The following SCHIP1 variants were observed in gnomAD, a reference collection of about 807,000 sequenced individuals.
SCHIP1 encodes schwannomin interacting protein 1.
SCHIP1 carries 8 observed loss-of-function variants against 29.7 expected under a neutral mutation model. That is an observed-to-expected ratio of 0.27 (90% CI 0.16 to 0.49). SCHIP1 has a LOEUF of 0.49. Ranked by LOEUF, SCHIP1 falls within the 20% of genes least tolerant of loss-of-function variation. SCHIP1 has a pLI of 0.99. For missense variants in SCHIP1, 193 were observed against 294.6 expected (o/e 0.66, Z 2.52); for synonymous variants, 76 against 94.9 (o/e 0.80, Z 1.16).
chr3:159,644,127 C>G, the SCHIP1 span, among the ~76,000 whole-genome samples: 1 of 152,124 alleles, frequency 6.6e-6, no homozygotes, highest in Admixed American at 6.6e-5. Context: ...CCATTTTCCT[C>G]AGGTGCTTTA....
the SCHIP1 span, among the ~76,000 whole-genome samples, chr3:159,782,488 A>G: frequency 6.6e-6 from 1 of 152,276 alleles, no homozygotes; most frequent in East Asian, 1.9e-4. Flanking sequence ...TCTTATGTCT[A>G]TGTACTTCTA....
At chr3:159,579,096 T>A in the SCHIP1 span, among the ~76,000 whole-genome samples, 2 of 152,190 alleles carry the variant, frequency 1.3e-5, no homozygotes, top group Admixed American at 1.3e-4. Context: ...GAATATGAAA[T>A]AAAGTATTTT....
At chr3:159,274,041 T>C in the SCHIP1 span, 9 of 982,546 alleles carry the variant, frequency 9.2e-6, no homozygotes, top group Non-Finnish European at 1.1e-5. Flanking sequence ...TATATTGGAA[T>C]GTTCATTTGA....
At chr3:159,752,595 T>C in the SCHIP1 span, among the ~76,000 whole-genome samples, 1 of 152,038 alleles carries the variant, frequency 6.6e-6, no homozygotes, top group African/African-American at 2.4e-5. Context: ...GGGAGTGAGG[T>C]GTCTCGCATG....
At chr3:159,827,798 C>T in the SCHIP1 span, among the ~76,000 whole-genome samples, 1 of 144,286 alleles carries the variant, frequency 6.9e-6, no homozygotes, top group Admixed American at 7.0e-5. Flanking sequence ...GGCGACAGAG[C>T]GAGACTCCGT....
At chr3:159,829,919 G>T in the SCHIP1 span, among the ~76,000 whole-genome samples, 3 of 151,950 alleles carry the variant, frequency 2.0e-5, no homozygotes, top group Admixed American at 2.0e-4. Context: ...TGTAAGTTTG[G>T]GTACTCTGTC....
chr3:159,628,760 T>C, the SCHIP1 span, among the ~76,000 whole-genome samples: 1 of 151,958 alleles, frequency 6.6e-6, no homozygotes, highest in Non-Finnish European at 1.5e-5. Context: ...TAAAACAATA[T>C]AAAAAATAAC....
the SCHIP1 span, among the ~76,000 whole-genome samples, chr3:159,486,978 T>A: frequency 6.6e-6 from 1 of 152,172 alleles, no homozygotes; most frequent in Non-Finnish European, 1.5e-5. Context: ...AGAGTAGATA[T>A]TTTTTGGCAG....
chr3:159,871,853 T>G (rs1413240143), intron 2 of SCHIP1, among the ~76,000 whole-genome samples: 2 of 152,186 alleles, frequency 1.3e-5, no homozygotes, highest in African/African-American at 4.8e-5. Context: ...AATTTCCTGA[T>G]TCTGCCAGGC....
At chr3:159,649,277 A>G in the SCHIP1 span, among the ~76,000 whole-genome samples, 2 of 152,090 alleles carry the variant, frequency 1.3e-5, no homozygotes, top group Non-Finnish European at 2.9e-5. Flanking sequence ...GTCAGTCTCC[A>G]TTTGCCATTG....
the SCHIP1 span, among the ~76,000 whole-genome samples, chr3:159,576,898 C>A: frequency 6.6e-6 from 1 of 152,154 alleles, no homozygotes; most frequent in African/African-American, 2.4e-5. Context: ...CTGTATTTCC[C>A]TTATATTCCG....
chr3:159,756,186 A>G, the SCHIP1 span, among the ~76,000 whole-genome samples: 110 of 152,300 alleles, frequency 7.2e-4, 1 homozygote, highest in Admixed American at 6.6e-3. Context: ...CATAGCAGAG[A>G]TTCTCCATGA....
chr3:159,633,708 G>A, the SCHIP1 span, among the ~76,000 whole-genome samples: 1 of 152,078 alleles, frequency 6.6e-6, no homozygotes, highest in South Asian at 2.1e-4. Context: ...CATATATATG[G>A]CTCAAGAAAT....
the SCHIP1 span, among the ~76,000 whole-genome samples, chr3:159,392,931 A>G: frequency 1.0e-3 from 155 of 152,320 alleles, 2 homozygotes; most frequent in South Asian, 0.024. Flanking sequence ...TCCCACCAAC[A>G]GTGTAAAAGT....
chr3:159,590,360 G>A, the SCHIP1 span, among the ~76,000 whole-genome samples: 1 of 152,138 alleles, frequency 6.6e-6, no homozygotes, highest in Non-Finnish European at 1.5e-5. Flanking sequence ...AGGAACACTT[G>A]AGGTCAGGAG....
At chr3:159,612,420 A>G in the SCHIP1 span, among the ~76,000 whole-genome samples, 3 of 152,334 alleles carry the variant, frequency 2.0e-5, no homozygotes, top group Admixed American at 2.0e-4. Context: ...AAATAATTCA[A>G]TGTTGGCATA....
chr3:159,820,849 T>C, the SCHIP1 span, among the ~76,000 whole-genome samples: 1 of 152,218 alleles, frequency 6.6e-6, no homozygotes, highest in Non-Finnish European at 1.5e-5. Context: ...AGAAGAACTC[T>C]AAGGACTAAT....
the SCHIP1 span, among the ~76,000 whole-genome samples, chr3:159,470,726 A>T: frequency 2.0e-5 from 3 of 152,140 alleles, no homozygotes; most frequent in South Asian, 4.1e-4. Flanking sequence ...CTGTAGCAAC[A>T]TTATTTCATC....
chr3:159,342,746 C>T, the SCHIP1 span, among the ~76,000 whole-genome samples: 1 of 152,278 alleles, frequency 6.6e-6, no homozygotes, highest in South Asian at 2.1e-4. Context: ...TTTTAGAATG[C>T]TTCACATGGT....
Sources: allele counts gnomAD v4.1 joint callset (sites outside exome capture counted in the v4.1 genomes callset), GRCh38; gene constraint gnomAD v4.1.1; transcripts MANE v1.5; gene names NCBI Gene and HGNC (gene_info 2026-07-23, HGNC 2026-07-21).